ME3: variants seen among roughly 807,000 people sequenced by gnomAD.
ME3 encodes the protein NADP-dependent malic enzyme, mitochondrial.
Under a neutral mutation model 68.9 loss-of-function variants are expected in ME3, and 48 were observed. That is an observed-to-expected ratio of 0.70 (90% CI 0.55 to 0.89). The LOEUF (loss-of-function observed/expected upper bound fraction) is 0.89, where lower values mean the gene tolerates loss of function less well. Ranked by LOEUF, ME3 falls within the 40% of genes least tolerant of loss-of-function variation. ME3 has a pLI of 0.00. For missense variants in ME3, 675 were observed against 797.4 expected, an observed-to-expected ratio of 0.85 and a Z score of 1.85; for synonymous variants, 320 against 318.8, an observed-to-expected ratio of 1.00 and a Z score of -0.04.
intron 4 of ME3, among the ~76,000 whole-genome samples, chr11:86,521,251 C>T (rs1032501925): frequency 3.9e-5 from 6 of 151,950 alleles, no homozygotes; most frequent in Admixed American, 2.0e-4. Context: ...AACAATTAGC[C>T]GGGCGTGATG....
intron 6 of ME3, among the ~76,000 whole-genome samples, chr11:86,497,655 T>C (rs943570033): frequency 1.3e-5 from 2 of 151,990 alleles, no homozygotes; most frequent in Non-Finnish European, 2.9e-5. Flanking sequence ...AGAAACTGCC[T>C]GGGGTAATGG....
At chr11:86,457,423 CCTT>C (rs1370407671) in intron 8 of ME3, 16 of 887,208 alleles carry the variant, frequency 1.8e-5, no homozygotes, top group African/African-American at 1.6e-4. Flanking sequence ...CAGTTCTCAG[CCTT>C]CTTCTTTCTT....
intron 4 of ME3, among the ~76,000 whole-genome samples, chr11:86,518,536 A>G (rs1029193274): frequency 6.6e-6 from 1 of 152,220 alleles, no homozygotes; most frequent in Non-Finnish European, 1.5e-5. Context: ...GCACAAAAGC[A>G]TCTTGCTTTG....
At chr11:86,635,302 A>G (rs887314635) in intron 2 of ME3, among the ~76,000 whole-genome samples, 4 of 152,190 alleles carry the variant, frequency 2.6e-5, no homozygotes, top group African/African-American at 9.7e-5. Flanking sequence ...GCATACACTG[A>G]GGAAGGGCCA....
chr11:86,620,126 T>G (rs2135259489), intron 2 of ME3, among the ~76,000 whole-genome samples: 1 of 152,362 alleles, frequency 6.6e-6, no homozygotes, highest in Middle Eastern at 3.4e-3. Context: ...TCTCTACACT[T>G]AGCACAGTGC....
chr11:86,525,753 G>A (rs978072635), intron 4 of ME3, among the ~76,000 whole-genome samples: 6 of 151,736 alleles, frequency 4.0e-5, no homozygotes, highest in African/African-American at 1.2e-4. Flanking sequence ...CTCAGTTACC[G>A]AGGGAGACCG....
chr11:86,599,088 A>G (rs2139715199), intron 2 of ME3, among the ~76,000 whole-genome samples: 1 of 152,374 alleles, frequency 6.6e-6, no homozygotes, highest in South Asian at 2.1e-4. Context: ...GCAGCGGAAC[A>G]AAGCTGGACG....
chr11:86,653,376 A>C (rs184502944), intron 2 of ME3, among the ~76,000 whole-genome samples: 1 of 152,322 alleles, frequency 6.6e-6, no homozygotes, highest in East Asian at 1.9e-4. Context: ...GTAAAAGACA[A>C]AAAATTATAA....
intron 2 of ME3, among the ~76,000 whole-genome samples, chr11:86,669,786 A>G (rs1946807304): frequency 6.6e-6 from 1 of 152,244 alleles, no homozygotes; most frequent in Non-Finnish European, 1.5e-5. Flanking sequence ...AGGGGCAAGA[A>G]TGATTTCAGG....
downstream of ME3, chr11:86,440,978 T>A: frequency 4.4e-6 from 1 of 226,748 alleles, no homozygotes; most frequent in Non-Finnish European, 8.6e-6. Flanking sequence ...TCCCGAGCTC[T>A]GTAAAGGCAG....
intron 7 of ME3, among the ~76,000 whole-genome samples, chr11:86,480,646 G>A (rs1951348958): frequency 6.6e-6 from 1 of 152,148 alleles, no homozygotes; most frequent in South Asian, 2.1e-4. Flanking sequence ...CCTGATTCTT[G>A]CCCACGATGT....
chr11:86,545,008 G>T (rs1274037455), intron 4 of ME3, among the ~76,000 whole-genome samples: 1 of 152,180 alleles, frequency 6.6e-6, no homozygotes, highest in Non-Finnish European at 1.5e-5. Context: ...GGGATGCATG[G>T]CTGGTTCAAC....
chr11:86,609,548 A>G (rs1300922552), intron 2 of ME3, among the ~76,000 whole-genome samples: 2 of 152,170 alleles, frequency 1.3e-5, no homozygotes, highest in Non-Finnish European at 2.9e-5. Flanking sequence ...ACAATCTGCT[A>G]TGAATCATAA....
the ME3 span, chr11:86,435,091 TA>T: frequency 6.6e-6 from 1 of 152,358 alleles, no homozygotes; most frequent in East Asian, 1.9e-4. Context: ...TACATATTTA[TA>T]AGAGTACATG....
At chr11:86,578,890 T>C (rs1398329464) in intron 2 of ME3, among the ~76,000 whole-genome samples, 2 of 152,194 alleles carry the variant, frequency 1.3e-5, no homozygotes, top group Non-Finnish European at 2.9e-5. Flanking sequence ...CCCTATGTGG[T>C]AGGCTGTCAA....
intron 2 of ME3, among the ~76,000 whole-genome samples, chr11:86,592,014 C>A (rs970204183): frequency 4.6e-5 from 7 of 152,152 alleles, no homozygotes; most frequent in Admixed American, 2.0e-4. Flanking sequence ...GGAGCCTGAG[C>A]AAACTAATAC....
At chr11:86,644,978 A>C (rs1166529782) in intron 2 of ME3, among the ~76,000 whole-genome samples, 1 of 152,146 alleles carries the variant, frequency 6.6e-6, no homozygotes, top group Non-Finnish European at 1.5e-5. Context: ...TCTCTCCCTT[A>C]GCCAAGGGAA....
At chr11:86,517,093 C>T (rs1403545081) in intron 4 of ME3, among the ~76,000 whole-genome samples, 1 of 151,954 alleles carries the variant, frequency 6.6e-6, no homozygotes, top group Non-Finnish European at 1.5e-5. Context: ...TTCTGTCCTT[C>T]GTGGAAGCAA....
chr11:86,579,181 G>T (rs989310126), intron 2 of ME3, among the ~76,000 whole-genome samples: 1 of 152,018 alleles, frequency 6.6e-6, no homozygotes, highest in African/African-American at 2.4e-5. Flanking sequence ...CATTTGAACC[G>T]GTATTCTTTA....
Sources: gnomAD v4.1 joint callset for allele counts (sites outside exome capture counted in the v4.1 genomes callset) on GRCh38, gnomAD v4.1.1 for gene constraint, MANE v1.5 for transcripts, NCBI Gene and HGNC (gene_info 2026-07-23, HGNC 2026-07-21) for gene names.